Variants in SPATA22 observed in about 807,000 individuals in gnomAD.
The protein encoded by SPATA22 is spermatogenesis-associated protein 22.
Under a neutral mutation model 47.8 loss-of-function variants are expected in SPATA22, and 29 were observed. That is an observed-to-expected ratio of 0.61 (90% CI 0.45 to 0.83). The LOEUF (loss-of-function observed/expected upper bound fraction) is 0.83. Among genes scored for constraint, SPATA22 ranks in the 40% least tolerant of loss-of-function variants. SPATA22 has a pLI of 0.00. For missense variants in SPATA22, 410 were observed against 421.7 expected (o/e 0.97, Z 0.24); for synonymous variants, 133 against 140.9 (o/e 0.94, Z 0.40).
chr17:3,491,719 G>A (rs1418244211), intron 1 of SPATA22, among the ~76,000 whole-genome samples: 2 of 151,778 alleles, frequency 1.3e-5, no homozygotes. Context: ...CTGCACTCCA[G>A]CCTCGGTGAC....
At position 3,485,896 on chromosome 17, in the gene SPATA22, C is replaced by T. The variant is rs192446005; in HGVS notation, c.-73-16498G>A. On this transcript the variant is annotated intron_variant, in intron 1 of 8. Transcript: ENST00000541913. The surrounding 1 kb of genome is among the most constrained non-coding windows in gnomAD (Gnocchi z 4.4). ...GGGTGACATAGAGAGAGCCAGATGG[C>T]AGCTATCCATGCCAGTGGTTGCATT... 2.6e-5 allele frequency among the ~76,000 whole-genome samples: 4 copies of T among 151,624 alleles called. No individual in the cohort carries two copies. Among genetic ancestry groups the T allele is most frequent in the African/African-American group, 9.7e-5 (4 of 41,360 alleles).
chr17:3,483,572 C>G (rs1260769216), intron 1 of SPATA22: 9 of 1,613,770 alleles, frequency 5.6e-6, no homozygotes, highest in Non-Finnish European at 6.8e-6. Context: ...ACCACTCGTT[C>G]CATAGCCAAG....
chr17:3,462,342 C>A, intron 5 of SPATA22, 141 bp downstream of exon 5: 1 of 565,240 alleles, frequency 1.8e-6, no homozygotes, highest in South Asian at 3.1e-5. Context: ...ATAATTAATA[C>A]TGCCATAGTT....
chr17:3,467,819 C>T (rs8079320), intron 2 of SPATA22, among the ~76,000 whole-genome samples: 35,381 of 151,804 alleles, frequency 0.23, 4,372 homozygotes, highest in East Asian at 0.42. Flanking sequence ...CCCCCCTCAT[C>T]CCCCAACCTT....
intron 1 of SPATA22, among the ~76,000 whole-genome samples, chr17:3,510,265 T>G (rs1195383593): frequency 6.6e-6 from 1 of 152,170 alleles, no homozygotes; most frequent in Non-Finnish European, 1.5e-5. Context: ...TTGAAACTGC[T>G]TCCAAAGCTG....
At chr17:3,510,204 G>A (rs2074094211) in intron 1 of SPATA22, among the ~76,000 whole-genome samples, 1 of 152,160 alleles carries the variant, frequency 6.6e-6, no homozygotes, top group Non-Finnish European at 1.5e-5. Flanking sequence ...CTGACATTAT[G>A]TGGCTGTGAA....
At chr17:3,510,345 C>T (rs1046637993) in intron 1 of SPATA22, among the ~76,000 whole-genome samples, 1 of 152,172 alleles carries the variant, frequency 6.6e-6, no homozygotes. Flanking sequence ...AGGTGACATG[C>T]CTTATGGCTT....
At chr17:3,470,093 CAAAAAAAAAA>C (rs57432043) in intron 1 of SPATA22, among the ~76,000 whole-genome samples, 1 of 54,304 alleles carries the variant, frequency 1.8e-5, no homozygotes, top group Non-Finnish European at 3.3e-5. Flanking sequence ...GACTCCATCT[CAAAAAAAAAA>C]AAAAAAAAAA....
chr17:3,464,495 G>A (rs949264205), intron 3 of SPATA22, among the ~76,000 whole-genome samples: 10 of 135,700 alleles, frequency 7.4e-5, no homozygotes, highest in Admixed American at 2.9e-4. Context: ...GGAAAGTGAG[G>A]AGTGTCTCTG....
At chr17:3,454,063 C>T (rs935042754) in intron 5 of SPATA22, among the ~76,000 whole-genome samples, 1 of 151,810 alleles carries the variant, frequency 6.6e-6, no homozygotes, top group Non-Finnish European at 1.5e-5. Flanking sequence ...AAATCAGGAG[C>T]ATTTCTTTAC....
In SPATA22 at chr17:3,503,984, C is replaced by T. The variant is rs117548867; in HGVS notation, c.-74+9428G>A. Among the ~76,000 whole-genome samples, 1,145 of 151,932 alleles carry T rather than the reference C, an allele frequency of 7.5e-3. 3 individuals are homozygous for T. The highest frequency in any genetic ancestry group is 0.013 in the Non-Finnish European group (863 of 67,956). ...TTCCTGATCTGCCCTCCCTCCCCGA[C>T]GCCTCCCTACACTCATCTCCCTTTG... On this transcript the variant is annotated intron_variant, in intron 1 of 8. Coordinates refer to the SPATA22 transcript ENST00000541913.
At chr17:3,458,173 A>G (rs1374186473) in intron 5 of SPATA22, among the ~76,000 whole-genome samples, 1 of 152,202 alleles carries the variant, frequency 6.6e-6, no homozygotes, top group African/African-American at 2.4e-5. Context: ...CTAAATAGAC[A>G]TTTTTGTAAA....
At chr17:3,461,337 CA>C (rs1337728951) in intron 5 of SPATA22, among the ~76,000 whole-genome samples, 3 of 152,204 alleles carry the variant, frequency 2.0e-5, no homozygotes, top group Non-Finnish European at 4.4e-5. Flanking sequence ...CAACTGCCTG[CA>C]TGGATTTTTA....
chr17:3,503,203 G>A (rs2074010365), intron 1 of SPATA22: 1 of 149,734 alleles, frequency 6.7e-6, no homozygotes, highest in South Asian at 2.1e-4. Context: ...ACATTATCTG[G>A]AATGAATGAA....
At chr17:3,505,770 GTTTTTGA>G (rs1162564574) in intron 1 of SPATA22, among the ~76,000 whole-genome samples, 1 of 3,170 alleles carries the variant, frequency 3.2e-4, no homozygotes, top group Non-Finnish European at 2.1e-3. Context: ...TTTTTTTTTT[GTTTTTGA>G]GACGGAGTCT....
At chr17:3,466,987 G>A (rs1350155754) in intron 3 of SPATA22, among the ~76,000 whole-genome samples, 1 of 152,126 alleles carries the variant, frequency 6.6e-6, no homozygotes, top group Non-Finnish European at 1.5e-5. Context: ...CTACGGCCAG[G>A]CACCAGATAC....
At chr17:3,470,725 T>A (rs2073411186) in intron 1 of SPATA22, among the ~76,000 whole-genome samples, 1 of 148,352 alleles carries the variant, frequency 6.7e-6, no homozygotes, top group Non-Finnish European at 1.5e-5. Context: ...CACTCCAGCC[T>A]GGGCGACAGA....
chr17:3,464,853 T>G (rs1336717630), intron 3 of SPATA22, among the ~76,000 whole-genome samples: 2 of 95,484 alleles, frequency 2.1e-5, no homozygotes, highest in Admixed American at 1.1e-4. Context: ...GTGAGGAGCG[T>G]CTCCGCCCGG....
intron 1 of SPATA22, chr17:3,499,277 G>T (rs2150764601): frequency 1.9e-6 from 1 of 512,968 alleles, no homozygotes; most frequent in East Asian, 3.2e-5. Flanking sequence ...TTTTATGTAT[G>T]TAGCTTATTC....
Sources: gnomAD v4.1 joint callset for allele counts (sites outside exome capture counted in the v4.1 genomes callset) on GRCh38, gnomAD v4.1.1 for gene constraint, Gnocchi (gnomAD v3.1) non-coding constraint, MANE v1.5 for transcripts, NCBI Gene and HGNC (gene_info 2026-07-23, HGNC 2026-07-21) for gene names.